BCO2: variants seen among roughly 807,000 people sequenced by gnomAD.
The protein encoded by BCO2 is carotenoid-cleaving dioxygenase, mitochondrial.
Under a neutral mutation model 65.8 loss-of-function variants are expected in BCO2, and 56 were observed. That is an observed-to-expected ratio of 0.85 (90% CI 0.69 to 1.06). BCO2 has a LOEUF of 1.06. Ranked by LOEUF, BCO2 falls within the 50% of genes least tolerant of loss-of-function variation. The probability of loss-of-function intolerance (pLI) is 0.00; values close to 1 mark genes in which losing one functional copy is unlikely to be tolerated. For synonymous variants in BCO2, 233 were observed against 242.3 expected (o/e 0.96, Z 0.36); for missense variants, 675 against 698.5 (o/e 0.97, Z 0.38).
At position 112,186,017 on chromosome 11, in the gene BCO2, A is replaced by G. The variant is rs563948026; in HGVS notation, c.293+6535A>G. ...CTCTGGGCCTGGTTGGAATTTGATCATGGTCCTTCTGTGCCTCTCATGGTC... is the reference window on the plus strand; with the variant it reads ...CTCTGGGCCTGGTTGGAATTTGATCGTGGTCCTTCTGTGCCTCTCATGGTC... On this transcript the variant is annotated intron_variant, in intron 2 of 11. Coordinates refer to ENST00000357685, the MANE Select transcript of BCO2 (RefSeq NM_031938.7). 4.6e-5 allele frequency among the ~76,000 whole-genome samples: 7 copies of G among 152,278 alleles called. No homozygotes were observed. In the East Asian group the frequency reaches 1.4e-3, roughly 29 times the overall value.
intron 2 of BCO2, among the ~76,000 whole-genome samples, chr11:112,186,097 A>G (rs1437138213): frequency 6.6e-6 from 1 of 152,204 alleles, no homozygotes; most frequent in Non-Finnish European, 1.5e-5. Flanking sequence ...TTATGAGGCA[A>G]AGAGAAGTAG....
At chr11:112,186,650 A>G (rs1566772073) in intron 2 of BCO2, among the ~76,000 whole-genome samples, 1 of 152,214 alleles carries the variant, frequency 6.6e-6, no homozygotes, top group Non-Finnish European at 1.5e-5. Context: ...TCTATCTTCA[A>G]TTAAATTTTT....
chr11:112,213,213 G>A (rs1313588377), intron 8 of BCO2, among the ~76,000 whole-genome samples: 3 of 125,026 alleles, frequency 2.4e-5, no homozygotes, highest in South Asian at 2.5e-4. Context: ...GCATGATCTC[G>A]GCTCACCGCA....
chr11:112,209,240 C>G (rs1168875846), intron 8 of BCO2, among the ~76,000 whole-genome samples: 4 of 152,306 alleles, frequency 2.6e-5, no homozygotes, highest in East Asian at 1.9e-4. Flanking sequence ...TGTGCTCCCC[C>G]ATTCGTCCCT....
intron 8 of BCO2, among the ~76,000 whole-genome samples, chr11:112,205,874 C>T (rs1393237365): frequency 2.0e-5 from 3 of 152,216 alleles, no homozygotes; most frequent in Non-Finnish European, 2.9e-5. Flanking sequence ...GCTGGGATTA[C>T]AAGTGTGAGC....
At chr11:112,194,046 C>T (rs1320711663) in intron 4 of BCO2, 52 bp downstream of exon 4, 1 of 1,035,686 alleles carries the variant, frequency 9.7e-7, no homozygotes, top group Non-Finnish European at 1.5e-6. Flanking sequence ...CATTTCTTTC[C>T]ATTTGAAATA....
Position 112,181,593 on chromosome 11 carries a change from A to C in BCO2, c.293+2111A>C, listed in dbSNP as rs1372729756. ...TTAATTTATTAGGTGTGTTAGAAGA[A>C]GCAAGATTTTTTGGTATTGACTCAT... On this transcript the variant is annotated intron_variant, in intron 2 of 11. Transcript: ENST00000357685. 6.6e-6 allele frequency: 5 copies of C among 759,308 alleles called. No individual in the cohort carries two copies. The African/African-American group carries it at 6.8e-5, about 10-fold the overall frequency. The allele number at this position is 759,308 out of a possible 1,614,324, so 47.0% of individuals were successfully genotyped here.
At chr11:112,204,310 C>T (rs552941017) in intron 8 of BCO2, among the ~76,000 whole-genome samples, 43 of 152,300 alleles carry the variant, frequency 2.8e-4, no homozygotes, top group Admixed American at 2.7e-3. Flanking sequence ...ATTCATCTGT[C>T]AATGGGTATT....
intron 2 of BCO2, chr11:112,181,948 A>G (rs1867062437): frequency 1.7e-6 from 1 of 572,558 alleles, no homozygotes; most frequent in South Asian, 2.1e-5. Context: ...TTTGCAATCT[A>G]CCCATCTGAC....
At chr11:112,215,301 C>T (rs1046520308) in intron 10 of BCO2, 1 of 301,470 alleles carries the variant, frequency 3.3e-6, no homozygotes, top group Non-Finnish European at 6.3e-6. Context: ...TCTCTTTCTC[C>T]CATATTCAAC....
chr11:112,201,243 G>A (rs1216095479), intron 7 of BCO2, among the ~76,000 whole-genome samples: 1 of 151,952 alleles, frequency 6.6e-6, no homozygotes, highest in East Asian at 1.9e-4. Flanking sequence ...CACCTCCCGG[G>A]TTCAAGTGAG....
rs766326742 is a variant in BCO2, at chr11:112,214,924, G to T, written c.1495G>T (p.Val499Leu). The change falls in exon 10 of 12, where the codon GTG (valine) becomes TTG (leucine). Residue 499 changes from valine (V) to leucine (L), a missense_variant. Val to Leu is a conservative substitution (Grantham distance 32). Transcript: ENST00000357685. ...LVGDSLIKVD[V>L]VNKTLKVWRE... ...GGGGGATTCTCTGATCAAGGTTGAT[G>T]TGGTGAATAAGACACTGAAGGTGAT... 3.7e-6 allele frequency: 6 copies of T among 1,614,186 alleles called. No homozygotes were observed. The South Asian group carries it at 6.6e-5, about 18-fold the overall frequency.
intron 2 of BCO2, among the ~76,000 whole-genome samples, chr11:112,191,482 A>ATT (rs1170844464): frequency 6.6e-6 from 1 of 152,154 alleles, no homozygotes; most frequent in Non-Finnish European, 1.5e-5. Flanking sequence ...ATTCAAACAA[A>ATT]TGTAAAGACC....
At chr11:112,188,260 T>C (rs1364742434) in intron 2 of BCO2, among the ~76,000 whole-genome samples, 2 of 152,248 alleles carry the variant, frequency 1.3e-5, no homozygotes, top group Non-Finnish European at 2.9e-5. Flanking sequence ...TTTTGGACCC[T>C]CTCTTTGTCG....
chr11:112,187,180 C>T (rs1867225124), intron 2 of BCO2, among the ~76,000 whole-genome samples: 1 of 152,148 alleles, frequency 6.6e-6, no homozygotes, highest in Non-Finnish European at 1.5e-5. Context: ...CCTTCCTGTC[C>T]ACTACCTTCT....
In BCO2 at chr11:112,181,607, G is replaced by A. The variant is rs1296623541; in HGVS notation, c.293+2125G>A. On this transcript the variant is annotated intron_variant, in intron 2 of 11. Coordinates refer to ENST00000357685, the MANE Select transcript of BCO2 (RefSeq NM_031938.7). ...GTGTTAGAAGAAGCAAGATTTTTTG[G>A]TATTGACTCATTGAACACCTAAAAG... The A allele has an allele frequency of 2.5e-5, 19 of 763,858 alleles. No homozygotes were observed. The Admixed American group carries it at 3.1e-4, about 12-fold the overall frequency. The allele number at this position is 763,858 out of a possible 1,614,324, so 47.3% of individuals were successfully genotyped here.
intron 6 of BCO2, 129 bp from the exon 7 acceptor site, chr11:112,200,483 AT>A: frequency 1.4e-6 from 1 of 733,364 alleles, no homozygotes; most frequent in Non-Finnish European, 2.2e-6. Flanking sequence ...GTAAACATGT[AT>A]TTCTGGCTGG....
At position 112,179,337 on chromosome 11, in the gene BCO2, G is replaced by T. The variant is rs1866965985; in HGVS notation, c.148G>T (p.Gly50Cys). Residue 50 changes from glycine (G) to cysteine (C), a missense_variant, in exon 2 of 12, where the codon GGT becomes TGT. Coordinates refer to ENST00000357685, the MANE Select transcript of BCO2 (RefSeq NM_031938.7). ...AAAAGCCGTCTTTGGGCAGTGTCGG[G>T]GTCTGCCATGTGTTGCACCGCTGCT... ...QKKAVFGQCR[G>C]LPCVAPLLTT... The T allele has an allele frequency of 2.5e-6, 4 of 1,614,058 alleles. No individual in the cohort carries two copies. The South Asian group carries it at 3.3e-5, about 13-fold the overall frequency.
rs1867510378 is a variant in BCO2 at position 112,194,657 on chromosome 11, A to T, written c.638A>T (p.Asp213Val). The T allele has an allele frequency of 1.2e-6, 2 of 1,609,006 alleles. No homozygotes were observed. Among genetic ancestry groups the T allele is most frequent in the African/African-American group, 2.7e-5 (2 of 74,896 alleles). ...IETLEKTEKV[D>V]WSKFIAVNGA... The stretch of plus-strand genomic sequence containing the variant: ...CCAGTGGTCTCAAATTTGCAGGTAG[A>T]TTGGAGCAAATTTATTGCTGTGAAT... Residue 213 changes from aspartate (D) to valine (V), a missense_variant, in exon 5 of 12, where the codon GAT becomes GTT. Asp to Val is a radical substitution (Grantham distance 152). Transcript: ENST00000357685.
Sources: gnomAD v4.1 joint callset for allele counts (sites outside exome capture counted in the v4.1 genomes callset) on GRCh38, gnomAD v4.1.1 for gene constraint, MANE v1.5 for transcripts, NCBI Gene and HGNC (gene_info 2026-07-23, HGNC 2026-07-21) for gene names.